SOX5: variants seen among roughly 807,000 people sequenced by gnomAD.
The protein encoded by SOX5 is SRY-box transcription factor 5, also known as transcription factor SOX-5.
SOX5 carries 9 observed loss-of-function variants against 92.0 expected under a neutral mutation model. The ratio of observed to expected loss-of-function variants is 0.10; its 90% CI spans 0.06 to 0.17. The LOEUF (loss-of-function observed/expected upper bound fraction) is 0.17, where lower values mean the gene tolerates loss of function less well. Among genes scored for constraint, SOX5 ranks in the 10% least tolerant of loss-of-function variants. SOX5 has a pLI of 1.00. For missense variants in SOX5, 642 were observed against 944.5 expected, an observed-to-expected ratio of 0.68 and a Z score of 4.20; for synonymous variants, 344 against 336.3, an observed-to-expected ratio of 1.02 and a Z score of -0.25.
At chr12:23,841,604 T>A (rs1210945736) in intron 3 of SOX5, among the ~76,000 whole-genome samples, 9 of 152,136 alleles carry the variant, frequency 5.9e-5, no homozygotes, top group African/African-American at 2.2e-4. Flanking sequence ...TACAATGGAA[T>A]ATTATTTACT....
chr12:23,759,969 G>A (rs1362662043), intron 3 of SOX5, among the ~76,000 whole-genome samples: 1 of 151,966 alleles, frequency 6.6e-6, no homozygotes, highest in Non-Finnish European at 1.5e-5. Context: ...GTACCCAGTA[G>A]ATGTATGTAT....
rs1949015173 is a variant in SOX5 at position 23,575,846 on chromosome 12, G to A, written c.1165-8C>T. ...TGGCTGTGCCACTTCATCCTGCAAT[G>A]ATCATTAGAACATGAGCTGTGATAA... On this transcript the variant is annotated splice_polypyrimidine_tract_variant and splice_region_variant and intron_variant, in intron 9 of 14. Transcript: ENST00000451604. The A allele has an allele frequency of 6.5e-7, 1 of 1,535,432 alleles. No homozygotes were observed. The highest frequency in any genetic ancestry group is 8.8e-7 in the Non-Finnish European group (1 of 1,142,790).
rs16927657 is a variant in SOX5, at chr12:24,495,929, T to C, written c.-251+66400A>G. Among the ~76,000 whole-genome samples the C allele has an allele frequency of 9.9e-3, 1,506 of 152,312 alleles. 15 individuals are homozygous for C. Among genetic ancestry groups the C allele is most frequent in the Non-Finnish European group, 0.015 (999 of 68,020 alleles). On this transcript the variant is annotated intron_variant, in intron 1 of 4. Coordinates refer to the SOX5 transcript ENST00000446891. The stretch of plus-strand genomic sequence containing the variant: ...TTGACTCTGGATAATTTCTTAGTGT[T>C]ATAAATCACTCCAGATTTCTAAACT...
chr12:24,033,177 G>T (rs995893266), intron 4 of SOX5, among the ~76,000 whole-genome samples: 2 of 151,844 alleles, frequency 1.3e-5, no homozygotes, highest in Non-Finnish European at 2.9e-5. Flanking sequence ...TTAATTTGTT[G>T]TTATACATCT....
intron 1 of SOX5, among the ~76,000 whole-genome samples, chr12:24,465,595 A>C (rs770184436): frequency 6.6e-6 from 1 of 152,234 alleles, no homozygotes; most frequent in Non-Finnish European, 1.5e-5. Context: ...TAACGGACAC[A>C]TATGAGACCT....
intron 2 of SOX5, among the ~76,000 whole-genome samples, chr12:24,329,931 G>A (rs1951106251): frequency 6.6e-6 from 1 of 152,198 alleles, no homozygotes; most frequent in African/African-American, 2.4e-5. Context: ...GCTGAGACAT[G>A]AGAATCACTT....
chr12:23,833,831 G>T (rs551235912), intron 3 of SOX5, among the ~76,000 whole-genome samples: 51 of 151,768 alleles, frequency 3.4e-4, no homozygotes, highest in Admixed American at 5.9e-4. Context: ...AGAGTGTGAG[G>T]ATATATTTAA....
chr12:24,119,937 G>A (rs772169560), intron 4 of SOX5, among the ~76,000 whole-genome samples: 3 of 152,100 alleles, frequency 2.0e-5, no homozygotes, highest in Non-Finnish European at 2.9e-5. Flanking sequence ...ATAGTATTTT[G>A]TGTTTGGCTC....
chr12:23,632,262 C>T (rs1319005034), intron 8 of SOX5: 2 of 152,136 alleles, frequency 1.3e-5, no homozygotes, highest in African/African-American at 2.4e-5. Context: ...AGAAAACTCA[C>T]TCATGCAGAC....
rs557083823 is a variant in SOX5 at position 24,386,076 on chromosome 12, A to G, written c.-250-17437T>C. Among the ~76,000 whole-genome samples, 6 of 152,300 alleles carry G rather than the reference A, an allele frequency of 3.9e-5. No individual in the cohort carries two copies. In the South Asian group the frequency reaches 1.2e-3, roughly 32 times the overall value. ...TGGAAACTGTGATTTTAAGCTAAAC[A>G]AAGTATGGTATATCCTCAAATAATA... On this transcript the variant is annotated intron_variant, in intron 1 of 4. Transcript: ENST00000446891.
At chr12:24,150,213 T>C (rs1951516836) in intron 4 of SOX5, among the ~76,000 whole-genome samples, 1 of 152,194 alleles carries the variant, frequency 6.6e-6, no homozygotes, top group Admixed American at 6.5e-5. Context: ...TTTACTAAAA[T>C]GTATGCTCCT....
intron 3 of SOX5, among the ~76,000 whole-genome samples, chr12:23,781,060 AG>A (rs1395349496): frequency 6.6e-6 from 1 of 152,056 alleles, no homozygotes; most frequent in Non-Finnish European, 1.5e-5. Context: ...TGATTTTGGC[AG>A]TCATATTGCC....
chr12:23,856,203 T>C (rs1399895468), intron 2 of SOX5, among the ~76,000 whole-genome samples: 3 of 152,240 alleles, frequency 2.0e-5, no homozygotes, highest in East Asian at 1.9e-4. Flanking sequence ...ATCACTGAGA[T>C]AGTCGTTCTT....
At chr12:24,257,478 T>TC (rs869053247) in intron 3 of SOX5, among the ~76,000 whole-genome samples, 5 of 19,880 alleles carry the variant, frequency 2.5e-4, no homozygotes, top group Non-Finnish European at 1.6e-3. Context: ...TTTTGTTTTG[T>TC]TTTTTTCTGA....
intron 1 of SOX5, among the ~76,000 whole-genome samples, chr12:24,529,291 T>C (rs1950972322): frequency 6.6e-6 from 1 of 152,216 alleles, no homozygotes; most frequent in Admixed American, 6.5e-5. Flanking sequence ...CTTTACCACA[T>C]CGGGTTTTTT....
intron 3 of SOX5, among the ~76,000 whole-genome samples, chr12:23,784,162 TG>T (rs1386357244): frequency 1.3e-5 from 2 of 152,138 alleles, no homozygotes. Flanking sequence ...TGGGAAGACT[TG>T]GCTCATTGAG....
chr12:24,385,232 G>T (rs1205972227), intron 1 of SOX5, among the ~76,000 whole-genome samples: 1 of 151,996 alleles, frequency 6.6e-6, no homozygotes, highest in Admixed American at 6.6e-5. Context: ...ACTTTACAAT[G>T]GTGCAAAACC....
intron 4 of SOX5, among the ~76,000 whole-genome samples, chr12:24,075,935 T>C (rs996207830): frequency 2.0e-5 from 3 of 152,130 alleles, no homozygotes; most frequent in African/African-American, 7.2e-5. Context: ...GAGTTAGCAA[T>C]TGGAGAGGAA....
At chr12:24,516,263 G>A (rs1445224062) in intron 1 of SOX5, among the ~76,000 whole-genome samples, 6 of 151,894 alleles carry the variant, frequency 4.0e-5, no homozygotes, top group Non-Finnish European at 5.9e-5. Flanking sequence ...ACCCCAGCTG[G>A]TCTCTGACTC....
Sources: gnomAD v4.1 joint callset for allele counts (sites outside exome capture counted in the v4.1 genomes callset) on GRCh38, gnomAD v4.1.1 for gene constraint, MANE v1.5 for transcripts, NCBI Gene and HGNC (gene_info 2026-07-23, HGNC 2026-07-21) for gene names.